The following RBFOX1 variants were observed in gnomAD, a reference collection of about 807,000 sequenced individuals.
RBFOX1 encodes RNA binding fox-1 homolog 1.
In RBFOX1, 8 loss-of-function variants were observed where a neutral mutation model predicts 57.7. That is an observed-to-expected ratio of 0.14 (90% CI 0.08 to 0.25). RBFOX1 has a LOEUF of 0.25. Ranked by LOEUF, RBFOX1 falls within the 10% of genes least tolerant of loss-of-function variation. RBFOX1 has a pLI of 1.00. For synonymous variants in RBFOX1, 326 were observed against 222.4 expected (o/e 1.47, Z -4.15); for missense variants, 611 against 548.5 (o/e 1.11, Z -1.14).
intron 4 of RBFOX1, among the ~76,000 whole-genome samples, chr16:7,195,246 C>T (rs879789176): frequency 6.6e-6 from 1 of 152,112 alleles, no homozygotes; most frequent in African/African-American, 2.4e-5. Context: ...GTGATAATGT[C>T]TCTGGCTGAG....
At position 6,735,142 on chromosome 16, in the gene RBFOX1, C is replaced by G. The variant is rs559302887; in HGVS notation, c.-16+80492C>G. ...CCAGCCTGGGCAGCAGAGTGAGACCCTGTCTCAACAAAAACAACAACAACA... is the reference window on the plus strand; with the variant it reads ...CCAGCCTGGGCAGCAGAGTGAGACCGTGTCTCAACAAAAACAACAACAACA... On this transcript the variant is annotated intron_variant, in intron 3 of 15. Coordinates refer to ENST00000550418, the MANE Select transcript of RBFOX1 (RefSeq NM_018723.4). Among the ~76,000 whole-genome samples, 3 of 152,178 alleles carry G rather than the reference C, an allele frequency of 2.0e-5. No individual in the cohort carries two copies. The East Asian group carries it at 5.8e-4, about 29-fold the overall frequency.
intron 4 of RBFOX1, among the ~76,000 whole-genome samples, chr16:7,145,149 G>A (rs1181452444): frequency 1.3e-5 from 2 of 152,224 alleles, no homozygotes; most frequent in African/African-American, 4.8e-5. Flanking sequence ...TGCAAGCAGG[G>A]GGTACCATCC....
intron 1 of RBFOX1, among the ~76,000 whole-genome samples, chr16:5,399,808 C>G (rs1171766082): frequency 2.0e-5 from 3 of 151,872 alleles, no homozygotes; most frequent in Non-Finnish European, 4.4e-5. Context: ...CAGTTTTGTC[C>G]ATCTGTCTAT....
chr16:6,838,008 C>CTT (rs58455545), intron 3 of RBFOX1, among the ~76,000 whole-genome samples: 1 of 148,522 alleles, frequency 6.7e-6, no homozygotes, highest in African/African-American at 2.5e-5. Flanking sequence ...GTTACCACCC[C>CTT]TTTTTTTTTT....
intron 4 of RBFOX1, among the ~76,000 whole-genome samples, chr16:7,112,433 C>T (rs1379198673): frequency 6.7e-6 from 1 of 150,340 alleles, no homozygotes; most frequent in Non-Finnish European, 1.5e-5. Flanking sequence ...GGCTGAACTC[C>T]TGGCCTCAAG....
intron 3 of RBFOX1, among the ~76,000 whole-genome samples, chr16:6,907,358 C>T (rs146063832): frequency 3.4e-4 from 52 of 152,254 alleles, no homozygotes; most frequent in African/African-American, 1.1e-3. Context: ...TCGAGCTGTC[C>T]TTGAGAGAAT....
intron 4 of RBFOX1, among the ~76,000 whole-genome samples, chr16:7,275,793 A>G (rs1035533180): frequency 1.3e-5 from 2 of 152,222 alleles, no homozygotes; most frequent in Admixed American, 6.5e-5. Flanking sequence ...ATCATCTTGA[A>G]GGTATAGCTT....
chr16:6,690,293 A>G (rs2060018793), intron 3 of RBFOX1, among the ~76,000 whole-genome samples: 2 of 152,096 alleles, frequency 1.3e-5, no homozygotes, highest in African/African-American at 2.4e-5. Flanking sequence ...AACAATGATA[A>G]TATGTGTGTT....
chr16:6,786,528 G>A (rs1056944998), intron 3 of RBFOX1, among the ~76,000 whole-genome samples: 2 of 152,098 alleles, frequency 1.3e-5, no homozygotes, highest in African/African-American at 2.4e-5. Flanking sequence ...TTCAGACAGA[G>A]TTCAGAGATC....
intron 4 of RBFOX1, among the ~76,000 whole-genome samples, chr16:7,509,847 AT>A (rs1339677590): frequency 6.6e-6 from 1 of 152,070 alleles, no homozygotes; most frequent in African/African-American, 2.4e-5. Context: ...TCCCTGCTGG[AT>A]TTTATAACTT....
intron 2 of RBFOX1, among the ~76,000 whole-genome samples, chr16:6,484,567 CAG>C (rs1415415700): frequency 6.6e-6 from 1 of 152,162 alleles, no homozygotes. Context: ...ATATTATATA[CAG>C]AGTGTCGAAT....
chr16:7,184,124 C>G (rs963077982), intron 4 of RBFOX1, among the ~76,000 whole-genome samples: 4 of 152,118 alleles, frequency 2.6e-5, no homozygotes, highest in Admixed American at 6.5e-5. Context: ...AAATCACTGA[C>G]AGGAAAGGGC....
In RBFOX1 at chr16:5,991,813, A is replaced by G. The variant is rs147505737; in HGVS notation, c.351+124478A>G. ...ATTGATAAGACTTCTAACCTCCTTC[A>G]ACCTTAGCATGTACCTGGTTGCAGG... On this transcript the variant is annotated intron_variant, in intron 4 of 19. Transcript: ENST00000641259. Among the ~76,000 whole-genome samples, 738 of 152,110 alleles carry G rather than the reference A, an allele frequency of 4.9e-3. 2 individuals carry two copies. The highest frequency in any genetic ancestry group is 8.4e-3 in the Admixed American group (129 of 15,272).
chr16:7,092,685 A>G (rs1158174779), intron 4 of RBFOX1, among the ~76,000 whole-genome samples: 1 of 152,208 alleles, frequency 6.6e-6, no homozygotes, highest in Non-Finnish European at 1.5e-5. Context: ...TGTCTATGGT[A>G]CTGCGCCTTG....
intron 4 of RBFOX1, among the ~76,000 whole-genome samples, chr16:7,424,720 G>C (rs769893628): frequency 2.0e-5 from 3 of 152,166 alleles, no homozygotes; most frequent in East Asian, 1.9e-4. Flanking sequence ...TACAATTTCA[G>C]CTTTGACAGT....
intron 3 of RBFOX1, among the ~76,000 whole-genome samples, chr16:5,846,763 G>A (rs1214323135): frequency 6.6e-6 from 1 of 152,180 alleles, no homozygotes; most frequent in African/African-American, 2.4e-5. Context: ...TTGCATGATG[G>A]GTGGATGTGA....
chr16:6,221,829 G>T (rs987971101), intron 1 of RBFOX1, among the ~76,000 whole-genome samples: 2 of 152,068 alleles, frequency 1.3e-5, no homozygotes, highest in East Asian at 3.9e-4. Context: ...AACAGTATGG[G>T]GGAAACTGCC....
At chr16:6,452,114 G>C (rs540929360) in intron 2 of RBFOX1, among the ~76,000 whole-genome samples, 12 of 141,510 alleles carry the variant, frequency 8.5e-5, no homozygotes, top group South Asian at 2.3e-4. Context: ...CTCCATCCAT[G>C]GCTCCTTCCT....
At chr16:6,726,706 G>C (rs2067269810) in intron 3 of RBFOX1, among the ~76,000 whole-genome samples, 1 of 152,122 alleles carries the variant, frequency 6.6e-6, no homozygotes, top group African/African-American at 2.4e-5. Flanking sequence ...GCTTGCCTGT[G>C]CGTTTTCTCT....
Sources: gnomAD v4.1 joint callset for allele counts (sites outside exome capture counted in the v4.1 genomes callset) on GRCh38, gnomAD v4.1.1 for gene constraint, MANE v1.5 for transcripts, NCBI Gene and HGNC (gene_info 2026-07-23, HGNC 2026-07-21) for gene names.